Variants in MACROD2 observed in about 807,000 individuals in gnomAD.
MACROD2 encodes the protein mono-ADP ribosylhydrolase 2.
Under a neutral mutation model 70.4 loss-of-function variants are expected in MACROD2, and 36 were observed. The observed-to-expected ratio is 0.51, with a 90% CI of 0.39 to 0.68. The LOEUF (loss-of-function observed/expected upper bound fraction) is 0.68, where lower values mean the gene tolerates loss of function less well. Ranked by LOEUF, MACROD2 falls within the 30% of genes least tolerant of loss-of-function variation. The probability of loss-of-function intolerance (pLI) is 0.00; values close to 1 mark genes in which losing one functional copy is unlikely to be tolerated. For missense variants in MACROD2, 496 were observed against 538.4 expected, an observed-to-expected ratio of 0.92 and a Z score of 0.78; for synonymous variants, 172 against 178.8, an observed-to-expected ratio of 0.96 and a Z score of 0.30.
chr20:14,473,379 T>TCA (rs201859080), intron 3 of MACROD2, among the ~76,000 whole-genome samples: 170 of 152,312 alleles, frequency 1.1e-3, no homozygotes, highest in African/African-American at 4.0e-3. Context: ...TTTTTAGATT[T>TCA]CACATATACG....
intron 2 of MACROD2, among the ~76,000 whole-genome samples, chr20:14,058,883 C>T (rs945878594): frequency 6.6e-6 from 1 of 152,108 alleles, no homozygotes; most frequent in Non-Finnish European, 1.5e-5. Context: ...ACCTCATGAT[C>T]CGCCCATCTC....
chr20:15,859,231 G>A (rs1319376634), intron 8 of MACROD2, among the ~76,000 whole-genome samples: 2 of 151,998 alleles, frequency 1.3e-5, no homozygotes, highest in South Asian at 4.2e-4. Context: ...GAGGAAGGGG[G>A]GTAGGTATAC....
chr20:14,169,588 G>A (rs945862838), intron 3 of MACROD2, among the ~76,000 whole-genome samples: 3 of 152,150 alleles, frequency 2.0e-5, no homozygotes, highest in African/African-American at 7.2e-5. Flanking sequence ...ACAGGTGTGA[G>A]CCACTGCACC....
intron 6 of MACROD2, among the ~76,000 whole-genome samples, chr20:15,406,076 C>T (rs1261750571): frequency 4.6e-5 from 7 of 152,128 alleles, no homozygotes; most frequent in Admixed American, 2.0e-4. Context: ...AGAGGTTTTT[C>T]CCCTCTGGCC....
chr20:15,244,353 G>T (rs1248252057), intron 6 of MACROD2, among the ~76,000 whole-genome samples: 2 of 152,162 alleles, frequency 1.3e-5, no homozygotes, highest in Non-Finnish European at 2.9e-5. Context: ...CCATAGTAAG[G>T]TGATCATATT....
intron 4 of MACROD2, among the ~76,000 whole-genome samples, chr20:14,601,900 G>T (rs184844818): frequency 6.6e-6 from 1 of 152,262 alleles, no homozygotes. Flanking sequence ...TTCCTAAATA[G>T]TTAATTTCCT....
chr20:15,727,453 GT>G (rs1311049529), intron 8 of MACROD2, among the ~76,000 whole-genome samples: 16 of 70,798 alleles, frequency 2.3e-4, no homozygotes, highest in Non-Finnish European at 5.5e-4. Flanking sequence ...TTATAAAATA[GT>G]TTTTTTCTGA....
chr20:14,677,757 G>A (rs1600528678), intron 4 of MACROD2, among the ~76,000 whole-genome samples: 1 of 152,122 alleles, frequency 6.6e-6, no homozygotes, highest in East Asian at 1.9e-4. Flanking sequence ...CACTAAGTAG[G>A]AGGAACAGCT....
chr20:14,392,032 T>C (rs1306005126), intron 3 of MACROD2, among the ~76,000 whole-genome samples: 2 of 151,952 alleles, frequency 1.3e-5, no homozygotes, highest in African/African-American at 4.8e-5. Context: ...ACTTCTTTTT[T>C]TTTCAAAGTA....
chr20:15,406,955 T>C (rs2046010706), intron 6 of MACROD2, among the ~76,000 whole-genome samples: 1 of 152,162 alleles, frequency 6.6e-6, no homozygotes, highest in African/African-American at 2.4e-5. Context: ...TGGAGAAAGA[T>C]TGAGCAAGGC....
intron 8 of MACROD2, among the ~76,000 whole-genome samples, chr20:15,699,503 G>A (rs546395769): frequency 6.6e-6 from 1 of 152,276 alleles, no homozygotes; most frequent in East Asian, 1.9e-4. Flanking sequence ...GAATCCGTGA[G>A]GGTCCTTAGC....
chr20:15,064,597 A>G (rs568231759), intron 5 of MACROD2, among the ~76,000 whole-genome samples: 17 of 152,260 alleles, frequency 1.1e-4, no homozygotes, highest in South Asian at 1.0e-3. Flanking sequence ...GGTATCAGCC[A>G]TTTCCTAAAC....
At position 16,035,095 on chromosome 20, in the gene MACROD2, A is replaced by AT. The variant is rs1409715166; in HGVS notation, c.1154-6104dup. Among the ~76,000 whole-genome samples the AT allele has an allele frequency of 3.7e-3, 40 of 10,816 alleles. 1 individual carries two copies. Among genetic ancestry groups the AT allele is most frequent in the Non-Finnish European group, 1.0e-2 (22 of 2,206 alleles). The allele number at this position is 10,816 out of a possible 152,430, so 7.1% of individuals were successfully genotyped here. On this transcript the variant is annotated intron_variant, in intron 15 of 17. Transcript: ENST00000684519. ...TAAAATATAATATGTAATATAAAAT[A>AT]TTATATATTATATATAAAATATAAT... is the stretch of plus-strand genomic sequence containing the variant.
intron 9 of MACROD2, among the ~76,000 whole-genome samples, chr20:15,863,773 A>T (rs11696492): frequency 6.6e-6 from 1 of 152,190 alleles, no homozygotes; most frequent in Admixed American, 6.5e-5. Flanking sequence ...AACAATAAAG[A>T]GGATGCCTTG....
chr20:15,319,817 A>T (rs1427124235), intron 6 of MACROD2, among the ~76,000 whole-genome samples: 1 of 152,214 alleles, frequency 6.6e-6, no homozygotes, highest in African/African-American at 2.4e-5. Flanking sequence ...CTGTGGGTGA[A>T]CCTCAAAAAA....
At chr20:15,245,068 A>G (rs2077093816) in intron 6 of MACROD2, among the ~76,000 whole-genome samples, 1 of 152,218 alleles carries the variant, frequency 6.6e-6, no homozygotes, top group Non-Finnish European at 1.5e-5. Context: ...GTAACCATTC[A>G]ACATGGTAGT....
chr20:14,968,632 G>A (rs2074660767), intron 5 of MACROD2, among the ~76,000 whole-genome samples: 1 of 152,214 alleles, frequency 6.6e-6, no homozygotes, highest in African/African-American at 2.4e-5. Flanking sequence ...GCTTGTTCAA[G>A]CACAGACTGG....
chr20:15,717,322 T>TG (rs2050721217), intron 8 of MACROD2, among the ~76,000 whole-genome samples: 1 of 152,224 alleles, frequency 6.6e-6, no homozygotes, highest in Non-Finnish European at 1.5e-5. Flanking sequence ...CTGGTAGAGT[T>TG]CAGGGCTTCC....
At chr20:14,271,390 G>T (rs2082194534) in intron 3 of MACROD2, among the ~76,000 whole-genome samples, 1 of 152,212 alleles carries the variant, frequency 6.6e-6, no homozygotes, top group South Asian at 2.1e-4. Flanking sequence ...ACAGGGTCTG[G>T]AGTGGACCTC....
Sources: gnomAD v4.1 joint callset for allele counts (sites outside exome capture counted in the v4.1 genomes callset) on GRCh38, gnomAD v4.1.1 for gene constraint, MANE v1.5 for transcripts, NCBI Gene and HGNC (gene_info 2026-07-23, HGNC 2026-07-21) for gene names.